Variants in CACNA2D1 observed in about 807,000 individuals in gnomAD.
CACNA2D1 encodes the protein voltage-dependent calcium channel subunit alpha-2/delta-1.
In CACNA2D1, 53 loss-of-function variants were observed where a neutral mutation model predicts 171.5. That is an observed-to-expected ratio of 0.31 (90% CI 0.25 to 0.39). The LOEUF is 0.39. Ranked by LOEUF, CACNA2D1 falls within the 10% of genes least tolerant of loss-of-function variation. CACNA2D1 has a pLI of 1.00. For synonymous variants in CACNA2D1, 442 were observed against 443.1 expected, an observed-to-expected ratio of 1.00 and a Z score of 0.03; for missense variants, 903 against 1,299.8, an observed-to-expected ratio of 0.69 and a Z score of 4.69.
chr7:82,150,726 G>A (rs527289530), intron 4 of CACNA2D1, among the ~76,000 whole-genome samples: 1 of 151,974 alleles, frequency 6.6e-6, no homozygotes, highest in East Asian at 1.9e-4. Flanking sequence ...ATAATTAAAT[G>A]ACATTCATTT....
At chr7:82,213,602 A>G (rs946907729) in intron 3 of CACNA2D1, among the ~76,000 whole-genome samples, 3 of 152,140 alleles carry the variant, frequency 2.0e-5, no homozygotes, top group Non-Finnish European at 2.9e-5. Context: ...CTAAAATACA[A>G]ATTTGATTAT....
At chr7:82,135,758 A>C (rs1373779608) in intron 5 of CACNA2D1, among the ~76,000 whole-genome samples, 1 of 152,118 alleles carries the variant, frequency 6.6e-6, no homozygotes, top group Admixed American at 6.5e-5. Flanking sequence ...ATATAATAGT[A>C]TATAAATACA....
intron 38 of CACNA2D1, among the ~76,000 whole-genome samples, chr7:81,954,332 T>C (rs1792962928): frequency 1.3e-5 from 2 of 151,894 alleles, no homozygotes; most frequent in Non-Finnish European, 2.9e-5. Context: ...TAAAATATGA[T>C]AAAACTAATT....
intron 12 of CACNA2D1, chr7:82,021,023 T>A (rs767070855): frequency 6.6e-6 from 1 of 152,180 alleles, no homozygotes; most frequent in Non-Finnish European, 1.5e-5. Flanking sequence ...TTTCATACTA[T>A]GATATTTTTA....
intron 5 of CACNA2D1, among the ~76,000 whole-genome samples, chr7:82,123,727 T>G (rs1200887661): frequency 6.6e-6 from 1 of 152,160 alleles, no homozygotes; most frequent in Admixed American, 6.6e-5. Flanking sequence ...TTAAGCTCAT[T>G]AAATTTTACT....
At chr7:82,429,087 C>T (rs1829446955) in intron 1 of CACNA2D1, among the ~76,000 whole-genome samples, 1 of 152,142 alleles carries the variant, frequency 6.6e-6, no homozygotes, top group African/African-American at 2.4e-5. Context: ...TCAGTTACTC[C>T]TAATAAATTT....
chr7:82,345,840 T>C (rs1585589306), intron 2 of CACNA2D1, among the ~76,000 whole-genome samples: 1 of 152,128 alleles, frequency 6.6e-6, no homozygotes, highest in Non-Finnish European at 1.5e-5. Context: ...TAAATACAGC[T>C]TCCATCTCTG....
rs189091676 is a variant in CACNA2D1, at chr7:82,268,448, C to T, written c.294+66687G>A. ...AGAGAACCTGAAACATACTGTTTAA[C>T]GTTTATTTAATTACAAAAATTTACT... On this transcript the variant is annotated intron_variant, in intron 3 of 38. Transcript: ENST00000356860. Among the ~76,000 whole-genome samples the T allele has an allele frequency of 6.6e-4, 100 of 152,200 alleles. 1 individual carries two copies. The highest frequency in any genetic ancestry group is 2.3e-3 in the African/African-American group (95 of 41,508).
chr7:82,193,456 G>A (rs1351152510), intron 3 of CACNA2D1, among the ~76,000 whole-genome samples: 1 of 151,760 alleles, frequency 6.6e-6, no homozygotes, highest in Admixed American at 6.6e-5. Flanking sequence ...GAGATGCGTG[G>A]GTTTGTGGAA....
At chr7:82,417,276 T>C (rs1828275971) in intron 1 of CACNA2D1, among the ~76,000 whole-genome samples, 1 of 152,192 alleles carries the variant, frequency 6.6e-6, no homozygotes, top group South Asian at 2.1e-4. Flanking sequence ...TAGGCTAGAC[T>C]ACAGGCAAAA....
intron 3 of CACNA2D1, among the ~76,000 whole-genome samples, chr7:82,194,803 T>C (rs1798689275): frequency 6.6e-6 from 1 of 151,984 alleles, no homozygotes; most frequent in South Asian, 2.1e-4. Flanking sequence ...GAAATAACTC[T>C]CAAGTGCATT....
At chr7:82,088,831 A>T (rs1393674112) in intron 6 of CACNA2D1, among the ~76,000 whole-genome samples, 1 of 151,992 alleles carries the variant, frequency 6.6e-6, no homozygotes, top group African/African-American at 2.4e-5. Flanking sequence ...TGTTAAAGAC[A>T]ATTTTTCCAC....
chr7:82,421,965 T>C (rs1025690119), intron 1 of CACNA2D1, among the ~76,000 whole-genome samples: 3 of 152,172 alleles, frequency 2.0e-5, no homozygotes, highest in Non-Finnish European at 4.4e-5. Flanking sequence ...CTTCGTCTTT[T>C]ATTCCATGGA....
rs1288969113 is a variant in CACNA2D1 at position 82,332,524 on chromosome 7, AAGAAAGAAAGAAAG to A, written c.294+2597_294+2610del. On this transcript the variant is annotated intron_variant, in intron 3 of 38. Transcript: ENST00000356860. ...AAAAAGAAATATAAAGAAAGAAAGA[AAGAAAGAAAGAAAG>A]AAAGAAAGAAAGAAAGAAAGAAAGA... Among the ~76,000 whole-genome samples, 107 of 139,944 alleles carry A rather than the reference AAGAAAGAAAGAAAG, an allele frequency of 7.6e-4. 2 individuals are homozygous for A. The highest frequency in any genetic ancestry group is 2.4e-3 in the East Asian group (12 of 5,080). 91.8% of individuals were successfully genotyped at this position (139,944 alleles called of 152,430 possible). A position where few individuals can be genotyped will look rare whatever the true frequency, so the allele number is the denominator to read the frequency against.
intron 4 of CACNA2D1, among the ~76,000 whole-genome samples, chr7:82,162,738 C>G (rs1310333248): frequency 6.6e-6 from 1 of 151,904 alleles, no homozygotes; most frequent in Non-Finnish European, 1.5e-5. Flanking sequence ...CTCTCTCAAC[C>G]CCAATCCAGA....
intron 18 of CACNA2D1, among the ~76,000 whole-genome samples, chr7:82,001,931 T>G (rs868625366): frequency 4.7e-4 from 68 of 146,228 alleles, no homozygotes; most frequent in African/African-American, 1.7e-3. Flanking sequence ...TTAAGAAAAA[T>G]GACTATTATT....
At chr7:82,328,467 T>C (rs2129443148) in intron 3 of CACNA2D1, among the ~76,000 whole-genome samples, 1 of 152,316 alleles carries the variant, frequency 6.6e-6, no homozygotes, top group Non-Finnish European at 1.5e-5. Flanking sequence ...CACCTTTTCT[T>C]ACTTTGCTCT....
In CACNA2D1 at chr7:82,227,073, C is replaced by T. The variant is rs3801708; in HGVS notation, c.295-56464G>A. 4.2e-3 allele frequency among the ~76,000 whole-genome samples: 637 copies of T among 152,194 alleles called. 11 individuals carry two copies. The East Asian group carries it at 0.067, about 16-fold the overall frequency. On this transcript the variant is annotated intron_variant, in intron 3 of 38. Transcript: ENST00000356860. Reference sequence around the variant, plus strand: ...AAATCTTGGATACAGATTAGTACAACTGAAAGGTGTTATTATAGAGATCAA... The same window carrying T: ...AAATCTTGGATACAGATTAGTACAATTGAAAGGTGTTATTATAGAGATCAA...
chr7:82,393,990 A>T (rs1432372506), intron 1 of CACNA2D1, among the ~76,000 whole-genome samples: 9 of 152,170 alleles, frequency 5.9e-5, no homozygotes, highest in Admixed American at 5.9e-4. Context: ...GCAAAGAAAA[A>T]TTTGCCCAAG....
Sources: gnomAD v4.1 joint callset for allele counts (sites outside exome capture counted in the v4.1 genomes callset) on GRCh38, gnomAD v4.1.1 for gene constraint, MANE v1.5 for transcripts, NCBI Gene and HGNC (gene_info 2026-07-23, HGNC 2026-07-21) for gene names.